The following DGKB variants were observed in gnomAD, a reference collection of about 807,000 sequenced individuals.
DGKB encodes the protein 90 kDa diacylglycerol kinase.
Under a neutral mutation model 114.3 loss-of-function variants are expected in DGKB, and 67 were observed. The observed-to-expected ratio is 0.59, with a 90% CI of 0.48 to 0.72. The LOEUF is 0.72. Among genes scored for constraint, DGKB ranks in the 30% least tolerant of loss-of-function variants. The probability of loss-of-function intolerance (pLI) is 0.00; values close to 1 mark genes in which losing one functional copy is unlikely to be tolerated. For missense variants in DGKB, 907 were observed against 975.2 expected, an observed-to-expected ratio of 0.93 and a Z score of 0.93; for synonymous variants, 398 against 323.1, an observed-to-expected ratio of 1.23 and a Z score of -2.49.
intron 1 of DGKB, among the ~76,000 whole-genome samples, chr7:14,895,483 G>A (rs1587277450): frequency 6.6e-6 from 1 of 151,590 alleles, no homozygotes; most frequent in East Asian, 1.9e-4. Context: ...TATGCAAATA[G>A]GATCTTCTGC....
At chr7:14,877,215 G>C (rs1853428563) in intron 1 of DGKB, among the ~76,000 whole-genome samples, 1 of 152,122 alleles carries the variant, frequency 6.6e-6, no homozygotes, top group Non-Finnish European at 1.5e-5. Context: ...TACGATTGCT[G>C]AGAGCTGGCC....
At chr7:14,196,471 C>A (rs1434765136) in intron 23 of DGKB, among the ~76,000 whole-genome samples, 2 of 151,994 alleles carry the variant, frequency 1.3e-5, no homozygotes, top group African/African-American at 4.8e-5. Flanking sequence ...CCCCACACTC[C>A]CTTTCTTTTG....
intron 20 of DGKB, among the ~76,000 whole-genome samples, chr7:14,561,153 C>T (rs1197504772): frequency 6.6e-6 from 1 of 152,020 alleles, no homozygotes; most frequent in African/African-American, 2.4e-5. Context: ...AGGTCTTTCC[C>T]GTCCTCTTCT....
At chr7:14,691,001 CT>C (rs1414046991) in intron 9 of DGKB, among the ~76,000 whole-genome samples, 1 of 152,116 alleles carries the variant, frequency 6.6e-6, no homozygotes, top group Non-Finnish European at 1.5e-5. Flanking sequence ...TTTGTAGAGC[CT>C]CTTGTAAGAG....
At chr7:14,590,967 T>C (rs1271948670) in intron 17 of DGKB, among the ~76,000 whole-genome samples, 1 of 152,144 alleles carries the variant, frequency 6.6e-6, no homozygotes, top group Non-Finnish European at 1.5e-5. Context: ...GGAGAGTTTT[T>C]CTGCATGCAA....
chr7:14,502,039 G>A (rs1417848671), intron 20 of DGKB, among the ~76,000 whole-genome samples: 1 of 151,960 alleles, frequency 6.6e-6, no homozygotes, highest in East Asian at 1.9e-4. Context: ...AATAGTAGCT[G>A]CCATTATTTT....
At chr7:14,761,674 C>G (rs571552920) in intron 2 of DGKB, among the ~76,000 whole-genome samples, 1 of 152,112 alleles carries the variant, frequency 6.6e-6, no homozygotes, top group African/African-American at 2.4e-5. Flanking sequence ...AATAGAGCTT[C>G]GGGAAAGAGC....
chr7:14,914,740 A>G (rs6461142), intron 1 of DGKB, among the ~76,000 whole-genome samples: 27,595 of 152,122 alleles, frequency 0.18, 2,848 homozygotes, highest in African/African-American at 0.27. Flanking sequence ...TAATATGTTA[A>G]AGGATCTAAC....
At chr7:14,939,736 C>G (rs1340824448) in intron 1 of DGKB, among the ~76,000 whole-genome samples, 2 of 144,358 alleles carry the variant, frequency 1.4e-5, no homozygotes, top group African/African-American at 2.6e-5. Flanking sequence ...GCCTCAGACT[C>G]CTGAGTAACT....
chr7:14,602,526 T>A (rs553974079), intron 17 of DGKB, among the ~76,000 whole-genome samples: 1 of 152,242 alleles, frequency 6.6e-6, no homozygotes, highest in Non-Finnish European at 1.5e-5. Flanking sequence ...CGCTTACGAA[T>A]GGGATTAGTG....
intron 2 of DGKB, among the ~76,000 whole-genome samples, chr7:14,780,404 C>T (rs1449372706): frequency 6.6e-6 from 1 of 152,198 alleles, no homozygotes; most frequent in Non-Finnish European, 1.5e-5. Flanking sequence ...TTCAAAACCA[C>T]TTAGCACCAT....
intron 1 of DGKB, among the ~76,000 whole-genome samples, chr7:14,932,220 G>A (rs1381981583): frequency 6.6e-6 from 1 of 152,106 alleles, no homozygotes; most frequent in East Asian, 1.9e-4. Flanking sequence ...CTCTCCTGTG[G>A]TGGGGATTTA....
intron 21 of DGKB, among the ~76,000 whole-genome samples, chr7:14,442,407 A>C (rs1170219017): frequency 6.6e-6 from 1 of 151,884 alleles, no homozygotes; most frequent in Non-Finnish European, 1.5e-5. Context: ...TTGTTGTTTC[A>C]ACCTGTATTG....
At chr7:14,751,066 G>T (rs1296305968) in intron 4 of DGKB, among the ~76,000 whole-genome samples, 1 of 151,802 alleles carries the variant, frequency 6.6e-6, no homozygotes, top group East Asian at 1.9e-4. Flanking sequence ...GCCCACGTTG[G>T]CCTCCCAAAG....
intron 20 of DGKB, among the ~76,000 whole-genome samples, chr7:14,507,143 C>T (rs1165705797): frequency 1.3e-5 from 2 of 152,176 alleles, no homozygotes; most frequent in African/African-American, 2.4e-5. Context: ...TGAAGGCCTG[C>T]TTGTTGTTGC....
chr7:14,366,344 A>G (rs1219483744), intron 21 of DGKB, among the ~76,000 whole-genome samples: 4 of 152,166 alleles, frequency 2.6e-5, no homozygotes, highest in African/African-American at 7.2e-5. Flanking sequence ...AGTTGTATTC[A>G]GGTAATGTTA....
chr7:14,650,103 C>T (rs1423763970), intron 13 of DGKB, among the ~76,000 whole-genome samples: 2 of 150,682 alleles, frequency 1.3e-5, no homozygotes, highest in African/African-American at 2.5e-5. Context: ...AGAAAGTCAA[C>T]AAGGATACCC....
At chr7:14,578,227 T>C (rs1799447595) in intron 19 of DGKB, among the ~76,000 whole-genome samples, 1 of 152,164 alleles carries the variant, frequency 6.6e-6, no homozygotes, top group Non-Finnish European at 1.5e-5. Context: ...TCCTGAGGCC[T>C]CCCCAGCCAT....
At chr7:14,910,980 T>C (rs1372987174) in intron 1 of DGKB, among the ~76,000 whole-genome samples, 2 of 152,106 alleles carry the variant, frequency 1.3e-5, no homozygotes, top group African/African-American at 2.4e-5. Context: ...TTGTAATCTA[T>C]CTCAAGCACA....
Sources: allele counts gnomAD v4.1 joint callset (sites outside exome capture counted in the v4.1 genomes callset), GRCh38; gene constraint gnomAD v4.1.1; transcripts MANE v1.5; gene names NCBI Gene and HGNC (gene_info 2026-07-23, HGNC 2026-07-21).